SBF2: variants seen among roughly 807,000 people sequenced by gnomAD.
The protein encoded by SBF2 is myotubularin-related protein 13.
Under a neutral mutation model 225.2 loss-of-function variants are expected in SBF2, and 112 were observed. The observed-to-expected ratio is 0.50, with a 90% CI of 0.43 to 0.58. SBF2 has a LOEUF of 0.58. Among genes scored for constraint, SBF2 ranks in the 20% least tolerant of loss-of-function variants. The pLI, the probability that SBF2 is intolerant of heterozygous loss-of-function variation, is 0.00. For synonymous variants in SBF2, 763 were observed against 773.3 expected, an observed-to-expected ratio of 0.99 and a Z score of 0.22; for missense variants, 1,996 against 2,206.2, an observed-to-expected ratio of 0.90 and a Z score of 1.91.
chr11:10,001,754 T>C (rs903192754), intron 7 of SBF2, among the ~76,000 whole-genome samples: 15 of 152,026 alleles, frequency 9.9e-5, no homozygotes, highest in Admixed American at 3.3e-4. Context: ...TATGGATCTC[T>C]TGACCTCGTG....
chr11:10,023,876 T>A (rs1201589782), intron 6 of SBF2, among the ~76,000 whole-genome samples: 3 of 152,172 alleles, frequency 2.0e-5, no homozygotes, highest in Non-Finnish European at 2.9e-5. Flanking sequence ...TCTTTTTTTT[T>A]AAGAATCTGA....
chr11:10,118,037 T>A (rs1054046221), intron 2 of SBF2, among the ~76,000 whole-genome samples: 1 of 152,174 alleles, frequency 6.6e-6, no homozygotes, highest in Non-Finnish European at 1.5e-5. Flanking sequence ...AAACAACTGA[T>A]CTTATTACAA....
intron 28 of SBF2, chr11:9,828,343 C>T (rs1855186122): frequency 1.7e-6 from 2 of 1,178,912 alleles, no homozygotes; most frequent in East Asian, 6.1e-5. Flanking sequence ...CTTTTAAGTA[C>T]CCAAAGCTTT....
At chr11:9,808,874 T>C in intron 31 of SBF2, 27 bp downstream of exon 31, 1 of 1,477,520 alleles carries the variant, frequency 6.8e-7, no homozygotes, top group South Asian at 1.2e-5. Flanking sequence ...AAATATAAAA[T>C]ATCAAAAAAT....
intron 2 of SBF2, among the ~76,000 whole-genome samples, chr11:10,160,094 C>T (rs1343720057): frequency 6.6e-6 from 1 of 152,068 alleles, no homozygotes. Context: ...AAATAAAAGA[C>T]ACTCAAAATG....
chr11:9,891,648 TA>T (rs1860829350), intron 17 of SBF2, among the ~76,000 whole-genome samples: 1 of 152,194 alleles, frequency 6.6e-6, no homozygotes, highest in Admixed American at 6.5e-5. Flanking sequence ...ACAGTAAAAG[TA>T]ATCCTAAGAA....
Position 10,272,239 on chromosome 11 carries a change from C to T in SBF2, c.55+21776G>A, listed in dbSNP as rs1422197696. The T allele has an allele frequency of 4.8e-6, 5 of 1,050,538 alleles. 1 individual carries two copies. The highest frequency in any genetic ancestry group is 4.3e-5 in the African/African-American group (2 of 46,026). 65.1% of individuals were successfully genotyped at this position (1,050,538 alleles called of 1,614,324 possible). ...GCTCTACCAAGAGCTGCAGGGCGCT[C>T]GCGCTAGCCCCGGAGGACATGGCGG... On this transcript the variant is annotated intron_variant, in intron 1 of 39. Transcript: ENST00000256190.
chr11:9,861,599 G>C (rs1857746394), intron 17 of SBF2, among the ~76,000 whole-genome samples: 1 of 151,396 alleles, frequency 6.6e-6, no homozygotes, highest in African/African-American at 2.4e-5. Context: ...GGGAGGTGGA[G>C]GTTGCAGTGA....
At chr11:10,246,007 G>A (rs146207698) in intron 1 of SBF2, among the ~76,000 whole-genome samples, 2 of 152,078 alleles carry the variant, frequency 1.3e-5, no homozygotes, top group African/African-American at 4.8e-5. Flanking sequence ...TTAGTCAAAG[G>A]GTATAAAGTT....
At chr11:10,205,486 G>A (rs900003329) in intron 1 of SBF2, among the ~76,000 whole-genome samples, 3 of 151,718 alleles carry the variant, frequency 2.0e-5, no homozygotes, top group African/African-American at 7.3e-5. Context: ...CAACACAATG[G>A]CAGGACATCT....
intron 9 of SBF2, among the ~76,000 whole-genome samples, chr11:9,997,731 T>C (rs113631388): frequency 0.052 from 7,883 of 152,282 alleles, 292 homozygotes; most frequent in Middle Eastern, 0.17. Flanking sequence ...TGAGCCCAGA[T>C]CGTGCCACTG....
chr11:10,015,126 G>A (rs567714201), intron 6 of SBF2, among the ~76,000 whole-genome samples: 109 of 151,906 alleles, frequency 7.2e-4, no homozygotes, highest in Non-Finnish European at 1.2e-3. Flanking sequence ...AAAGCAAGAC[G>A]CACCCTGTCT....
intron 1 of SBF2, among the ~76,000 whole-genome samples, chr11:10,202,062 A>C (rs1170352247): frequency 6.6e-6 from 1 of 152,358 alleles, no homozygotes; most frequent in South Asian, 2.1e-4. Flanking sequence ...ACAAACTGAA[A>C]TTAAAACTAA....
upstream of SBF2, among the ~76,000 whole-genome samples, chr11:10,298,157 G>C (rs905967356): frequency 6.6e-6 from 1 of 152,284 alleles, no homozygotes; most frequent in Admixed American, 6.5e-5. Flanking sequence ...TTGGGAGGCC[G>C]AGGCAGGTGG....
rs977456779 is a variant in SBF2, at chr11:10,177,455, T to C, written c.141+16447A>G. On this transcript the variant is annotated intron_variant, in intron 2 of 39. Transcript: ENST00000256190. ...TATCTAGAAAACCCCATTGTCTCAG[T>C]CCAAAATCTCCTTAAGCTGATAAGC... 4.5e-3 allele frequency among the ~76,000 whole-genome samples: 671 copies of C among 150,502 alleles called. 4 individuals carry two copies. The highest frequency in any genetic ancestry group is 0.016 in the African/African-American group (635 of 40,738).
At chr11:10,179,428 AT>A (rs60481589) in intron 2 of SBF2, among the ~76,000 whole-genome samples, 3,354 of 131,548 alleles carry the variant, frequency 0.025, 96 homozygotes, top group African/African-American at 0.077. Context: ...AAAAAAACTT[AT>A]TTTTGTCACC....
intron 16 of SBF2, chr11:9,957,037 A>G (rs1590601190): frequency 6.6e-6 from 1 of 152,330 alleles, no homozygotes; most frequent in East Asian, 1.9e-4. Context: ...AAAATTTAAT[A>G]TATCAAAAGT....
chr11:9,896,756 T>A (rs1021362004), intron 16 of SBF2, among the ~76,000 whole-genome samples: 1 of 135,030 alleles, frequency 7.4e-6, no homozygotes, highest in Non-Finnish European at 1.5e-5. Context: ...ACCACTGCAC[T>A]CCAGCCTGGA....
rs560874000 is a variant in SBF2, at chr11:9,833,866, G to A, written c.3456-1446C>T. ...GCTCACCGCAACCTCTGCCTCCGGG[G>A]TTCAAGCAATTCTCCTTTCTCAGCC... On this transcript the variant is annotated intron_variant, in intron 26 of 39. Transcript: ENST00000256190. Among the ~76,000 whole-genome samples the A allele has an allele frequency of 1.5e-3, 224 of 151,790 alleles. 1 individual carries two copies. The highest frequency in any genetic ancestry group is 4.2e-3 in the African/African-American group (173 of 41,382).
Sources: allele counts gnomAD v4.1 joint callset (sites outside exome capture counted in the v4.1 genomes callset), GRCh38; gene constraint gnomAD v4.1.1; transcripts MANE v1.5; gene names NCBI Gene and HGNC (gene_info 2026-07-23, HGNC 2026-07-21).